Variants in TMEM272 observed in about 807,000 individuals in gnomAD.
TMEM272 encodes the protein transmembrane protein 272, also known as long intergenic non-protein coding RNA 282.
TMEM272 carries 8 observed loss-of-function variants against 3.7 expected under a neutral mutation model. That is an observed-to-expected ratio of 2.17 (90% CI 1.27 to 3.91). TMEM272 has a LOEUF of 3.91. Among genes scored for constraint, TMEM272 ranks in the 30% most tolerant of loss-of-function variants. The pLI is 0.00. For synonymous variants in TMEM272, 63 were observed against 39.8 expected (o/e 1.58, Z -2.20); for missense variants, 166 against 91.5 (o/e 1.81, Z -3.32).
At chr13:51,857,887 A>T in the TMEM272 span, among the ~76,000 whole-genome samples, 1 of 152,168 alleles carries the variant, frequency 6.6e-6, no homozygotes, top group Non-Finnish European at 1.5e-5. Flanking sequence ...TTTAAATATA[A>T]GGGCACAGAA....
the TMEM272 span, among the ~76,000 whole-genome samples, chr13:51,881,956 G>A: frequency 1.3e-5 from 2 of 152,200 alleles, no homozygotes; most frequent in Non-Finnish European, 2.9e-5. Context: ...GGGTTGTGTG[G>A]TGTTTAAGAG....
At chr13:51,888,696 A>C in the TMEM272 span, among the ~76,000 whole-genome samples, 1 of 114,796 alleles carries the variant, frequency 8.7e-6, no homozygotes, top group Non-Finnish European at 1.6e-5. Flanking sequence ...CCCAGACTGG[A>C]GTGCAGTGGC....
the TMEM272 span, chr13:51,909,941 T>C: frequency 2.5e-6 from 4 of 1,598,954 alleles, no homozygotes; most frequent in Admixed American, 5.0e-5. Context: ...CTTCAGCTTC[T>C]TGCAAAAGCT....
chr13:51,870,121 G>A, the TMEM272 span, among the ~76,000 whole-genome samples: 2 of 152,178 alleles, frequency 1.3e-5, no homozygotes, highest in Non-Finnish European at 2.9e-5. Flanking sequence ...TTGATGCCAA[G>A]GTGAAGTCAC....
At chr13:51,846,871 A>G (rs955188083), upstream of TMEM272, among the ~76,000 whole-genome samples, 8 of 152,218 alleles carry the variant, frequency 5.3e-5, no homozygotes, top group African/African-American at 1.9e-4. Context: ...TTAAAGAAAA[A>G]TATTTTTAAT....
the TMEM272 span, among the ~76,000 whole-genome samples, chr13:51,919,714 T>A: frequency 6.6e-6 from 1 of 152,254 alleles, no homozygotes; most frequent in African/African-American, 2.4e-5. Context: ...GTCTCGGCTG[T>A]GTCCCGAGCA....
At chr13:51,927,322 C>T in the TMEM272 span, among the ~76,000 whole-genome samples, 10 of 152,244 alleles carry the variant, frequency 6.6e-5, no homozygotes, top group African/African-American at 1.9e-4. Flanking sequence ...ACGGCCCACT[C>T]GCTGCTGTGA....
chr13:51,835,387 G>A (rs1168837713), intron 2 of TMEM272, among the ~76,000 whole-genome samples: 1 of 151,976 alleles, frequency 6.6e-6, no homozygotes, highest in Non-Finnish European at 1.5e-5. Context: ...ACCACACCCA[G>A]CTAATTTTTT....
chr13:51,887,962 T>G, the TMEM272 span, among the ~76,000 whole-genome samples: 1 of 152,246 alleles, frequency 6.6e-6, no homozygotes, highest in Non-Finnish European at 1.5e-5. Flanking sequence ...ATTAGCATCT[T>G]TAAACATATA....
intron 2 of TMEM272, among the ~76,000 whole-genome samples, chr13:51,829,419 T>C (rs375651077): frequency 2.0e-5 from 3 of 152,320 alleles, no homozygotes; most frequent in East Asian, 3.9e-4. Flanking sequence ...ATTTTTGTTT[T>C]GCTCCGGGGC....
intron 4 of TMEM272, among the ~76,000 whole-genome samples, chr13:51,820,214 C>G (rs1422156343): frequency 6.6e-6 from 1 of 152,200 alleles, no homozygotes; most frequent in Admixed American, 6.5e-5. Flanking sequence ...TCTGGTAGCT[C>G]CATGAAATGT....
chr13:51,859,503 C>A, the TMEM272 span, among the ~76,000 whole-genome samples: 2 of 106,526 alleles, frequency 1.9e-5, no homozygotes. Context: ...GACTCCCAAC[C>A]AAACACACAC....
the TMEM272 span, among the ~76,000 whole-genome samples, chr13:51,878,498 A>T: frequency 6.6e-6 from 1 of 152,118 alleles, no homozygotes; most frequent in African/African-American, 2.4e-5. Context: ...CAAGAACAGC[A>T]TGGGGGGGAA....
the TMEM272 span, among the ~76,000 whole-genome samples, chr13:51,903,304 T>G: frequency 2.0e-5 from 3 of 152,142 alleles, no homozygotes; most frequent in Non-Finnish European, 4.4e-5. Flanking sequence ...CAGGTAGAGA[T>G]GATCAATAAT....
the TMEM272 span, among the ~76,000 whole-genome samples, chr13:51,899,195 G>A: frequency 5.3e-5 from 8 of 152,054 alleles, no homozygotes; most frequent in Admixed American, 2.6e-4. Context: ...ATAAAAAATC[G>A]ATTGTATTTC....
At chr13:51,841,780 G>A (rs1035407289) in intron 1 of TMEM272, among the ~76,000 whole-genome samples, 4 of 152,180 alleles carry the variant, frequency 2.6e-5, no homozygotes, top group African/African-American at 9.6e-5. Flanking sequence ...TTTTATAAAT[G>A]AGGAGACTCT....
chr13:51,844,798 C>T (rs1467937774), intron 1 of TMEM272, among the ~76,000 whole-genome samples: 3 of 152,178 alleles, frequency 2.0e-5, no homozygotes, highest in Non-Finnish European at 4.4e-5. Context: ...TATTCCTTTA[C>T]GATTGTTCTC....
the TMEM272 span, among the ~76,000 whole-genome samples, chr13:51,858,663 T>G: frequency 6.6e-6 from 1 of 152,208 alleles, no homozygotes; most frequent in Non-Finnish European, 1.5e-5. Context: ...TTCTTTGGGT[T>G]CTTGTCACAT....
chr13:51,859,554 C>CA, the TMEM272 span, among the ~76,000 whole-genome samples: 10 of 125,212 alleles, frequency 8.0e-5, no homozygotes, highest in Non-Finnish European at 1.2e-4. Context: ...ACACAGACAC[C>CA]CCCTCAGCAA....
Sources: gnomAD v4.1 joint callset for allele counts (sites outside exome capture counted in the v4.1 genomes callset) on GRCh38, gnomAD v4.1.1 for gene constraint, MANE v1.5 for transcripts, NCBI Gene and HGNC (gene_info 2026-07-23, HGNC 2026-07-21) for gene names.